ITSN2: variants seen among roughly 807,000 people sequenced by gnomAD.
ITSN2 encodes the protein intersectin-2.
A neutral mutation model predicts 243.7 loss-of-function variants in ITSN2; 156 were observed. That is an observed-to-expected ratio of 0.64 (90% CI 0.56 to 0.73). ITSN2 has a LOEUF of 0.73. Among genes scored for constraint, ITSN2 ranks in the 30% least tolerant of loss-of-function variants. The pLI is 0.00. For synonymous variants in ITSN2, 703 were observed against 699.9 expected (o/e 1.00, Z -0.07); for missense variants, 1,801 against 1,996.1 (o/e 0.90, Z 1.86).
At chr2:24,341,673 G>T (rs1319268032) in intron 1 of ITSN2, among the ~76,000 whole-genome samples, 1 of 152,130 alleles carries the variant, frequency 6.6e-6, no homozygotes. Flanking sequence ...GAAGTCAGGA[G>T]ACCGGTCTCA....
At chr2:24,255,230 A>G (rs1410825822) in intron 23 of ITSN2, among the ~76,000 whole-genome samples, 3 of 152,206 alleles carry the variant, frequency 2.0e-5, no homozygotes, top group East Asian at 1.9e-4. Context: ...TGGACATAAA[A>G]TAAGACAATT....
intron 8 of ITSN2, among the ~76,000 whole-genome samples, chr2:24,304,679 A>C (rs1682248813): frequency 6.6e-6 from 1 of 152,198 alleles, no homozygotes. Context: ...AAAAAGTTCA[A>C]AACTACTATT....
chr2:24,234,785 A>C (rs1305881846), intron 29 of ITSN2, among the ~76,000 whole-genome samples: 3 of 152,254 alleles, frequency 2.0e-5, no homozygotes, highest in Non-Finnish European at 2.9e-5. Flanking sequence ...AATTAAAACA[A>C]AAATGAGATA....
rs528744170 is a variant in ITSN2, at chr2:24,260,244, T to C, written c.2682+862A>G. On this transcript the variant is annotated intron_variant, in intron 22 of 39. Transcript: ENST00000355123. ...GTGTCAATGTCAGGTATTTTTTGAC[T>C]TATTTTTTCCTTAAATTTCTAGCAC... 1.7e-3 allele frequency among the ~76,000 whole-genome samples: 258 copies of C among 152,306 alleles called. 1 individual carries two copies. Among genetic ancestry groups the C allele is most frequent in the African/African-American group, 6.0e-3 (250 of 41,566 alleles).
intron 1 of ITSN2, among the ~76,000 whole-genome samples, chr2:24,343,646 T>C (rs183214949): frequency 2.0e-3 from 299 of 152,316 alleles, no homozygotes; most frequent in Admixed American, 3.7e-3. Context: ...CTAATTTTAA[T>C]AGATAATACC....
At chr2:24,339,427 C>T (rs923388409) in intron 1 of ITSN2, among the ~76,000 whole-genome samples, 89 of 149,964 alleles carry the variant, frequency 5.9e-4, no homozygotes, top group African/African-American at 1.4e-3. Flanking sequence ...CCTGAGATTG[C>T]GCCACTGCAC....
rs1480003901 is a variant in ITSN2, at chr2:24,349,939, C to G, written c.-34+10365G>C. 3.3e-5 allele frequency among the ~76,000 whole-genome samples: 5 copies of G among 152,198 alleles called. No homozygotes were observed. The East Asian group carries it at 9.6e-4, about 29-fold the overall frequency. On this transcript the variant is annotated intron_variant, in intron 1 of 39. Coordinates refer to ENST00000355123, the MANE Select transcript of ITSN2 (RefSeq NM_006277.3). ...AACACCACTGATGTAGTGAAAATAT[C>G]TTCTGAGTGTGGGCATGCATAGTAC...
At chr2:24,268,027 G>A (rs908947804) in intron 20 of ITSN2, among the ~76,000 whole-genome samples, 2 of 152,110 alleles carry the variant, frequency 1.3e-5, no homozygotes, top group Non-Finnish European at 2.9e-5. Context: ...ATTTTTAGTT[G>A]TTAATTTACA....
chr2:24,255,920 G>A (rs953000962), intron 23 of ITSN2, among the ~76,000 whole-genome samples: 6 of 151,974 alleles, frequency 3.9e-5, no homozygotes, highest in Admixed American at 6.6e-5. Flanking sequence ...GGGCATGGTT[G>A]CACATGCCAG....
At chr2:24,276,169 G>C (rs1264490141) in intron 17 of ITSN2, among the ~76,000 whole-genome samples, 3 of 152,000 alleles carry the variant, frequency 2.0e-5, no homozygotes, top group Non-Finnish European at 2.9e-5. Context: ...AAATATGGGG[G>C]AATAATTTGC....
intron 1 of ITSN2, among the ~76,000 whole-genome samples, chr2:24,331,634 G>C (rs187735047): frequency 2.0e-5 from 3 of 152,002 alleles, no homozygotes; most frequent in Non-Finnish European, 1.5e-5. Flanking sequence ...CTCCCTTTCC[G>C]TCCTTCAGCA....
intron 1 of ITSN2, among the ~76,000 whole-genome samples, chr2:24,339,776 C>T (rs1443306308): frequency 3.9e-5 from 6 of 152,144 alleles, no homozygotes; most frequent in Non-Finnish European, 7.4e-5. Flanking sequence ...CCTGCAATCC[C>T]AGCACTTTGG....
intron 1 of ITSN2, among the ~76,000 whole-genome samples, chr2:24,342,108 G>GTT (rs1687096496): frequency 6.6e-6 from 1 of 152,114 alleles, no homozygotes; most frequent in Non-Finnish European, 1.5e-5. Flanking sequence ...TTCAGGAAGG[G>GTT]GAGTAAGAAT....
At chr2:24,332,526 G>A (rs1685904516) in intron 1 of ITSN2, among the ~76,000 whole-genome samples, 1 of 152,098 alleles carries the variant, frequency 6.6e-6, no homozygotes, top group Non-Finnish European at 1.5e-5. Flanking sequence ...CTGGTATGTG[G>A]AATTTAGCCA....
Position 24,227,894 on chromosome 2 carries a change from G to GA in ITSN2, c.3578-6829dup, listed in dbSNP as rs368897285. ...AGATCGTGCCATTGCACTAAAAAAA[G>GA]AAAAAAAAGATGGAAAACATAAAAC... On this transcript the variant is annotated intron_variant, in intron 29 of 39. Coordinates refer to ENST00000355123, the MANE Select transcript of ITSN2 (RefSeq NM_006277.3). Among the ~76,000 whole-genome samples, 8 of 151,680 alleles carry GA rather than the reference G, an allele frequency of 5.3e-5. 1 individual carries two copies. Among genetic ancestry groups the GA allele is most frequent in the South Asian group, 2.1e-4 (1 of 4,794 alleles).
At chr2:24,308,461 C>T (rs181768954) in intron 8 of ITSN2, among the ~76,000 whole-genome samples, 156 bp downstream of exon 8, 120 of 152,346 alleles carry the variant, frequency 7.9e-4, no homozygotes, top group African/African-American at 2.8e-3. Flanking sequence ...AATCCTTATA[C>T]AACTTCAGGT....
intron 1 of ITSN2, among the ~76,000 whole-genome samples, chr2:24,331,941 A>C (rs1685833320): frequency 6.6e-6 from 1 of 152,202 alleles, no homozygotes; most frequent in African/African-American, 2.4e-5. Context: ...GCTTTCAAGA[A>C]GGGAGTTTGA....
intron 1 of ITSN2, among the ~76,000 whole-genome samples, chr2:24,329,023 C>T (rs1262275609): frequency 6.6e-6 from 1 of 152,140 alleles, no homozygotes; most frequent in African/African-American, 2.4e-5. Context: ...AGTTATTTAA[C>T]CTTTTTTGAG....
chr2:24,310,488 C>G lies in ITSN2; in HGVS notation c.556+1G>C. 1 of 1,613,616 alleles carries G rather than the reference C, an allele frequency of 6.2e-7. No individual in the cohort carries two copies. The highest frequency in any genetic ancestry group is 1.7e-5 in the Admixed American group (1 of 60,020). On this transcript the variant is annotated splice_donor_variant, in intron 6 of 39. Coordinates refer to ENST00000355123, the MANE Select transcript of ITSN2 (RefSeq NM_006277.3). LOFTEE classifies it high-confidence loss of function. ...TGACTCTTTAGAAACAAAGTACTCA[C>G]TTGAAGAAGAATAAGGAATGGGTAA...
Sources: allele counts gnomAD v4.1 joint callset (sites outside exome capture counted in the v4.1 genomes callset), GRCh38; gene constraint gnomAD v4.1.1; transcripts MANE v1.5; gene names NCBI Gene and HGNC (gene_info 2026-07-23, HGNC 2026-07-21).